DLD: variants seen among roughly 807,000 people sequenced by gnomAD.
The protein encoded by DLD is dihydrolipoyl dehydrogenase, mitochondrial.
A neutral mutation model predicts 62.2 loss-of-function variants in DLD; 36 were observed. The ratio of observed to expected loss-of-function variants is 0.58; its 90% CI spans 0.44 to 0.76. The LOEUF (loss-of-function observed/expected upper bound fraction) is 0.76. DLD is among the 30% of genes least tolerant of loss of function. DLD has a pLI of 0.00. For missense variants in DLD, 541 were observed against 608.6 expected (o/e 0.89, Z 1.17); for synonymous variants, 204 against 199.6 (o/e 1.02, Z -0.19).
chr7:107,904,006 A>G (rs1584463743), intron 5 of DLD, among the ~76,000 whole-genome samples: 1 of 152,188 alleles, frequency 6.6e-6, no homozygotes, highest in Admixed American at 6.5e-5. Context: ...TTCATAACGT[A>G]TCTTGTCTCC....
At chr7:107,898,942 AG>A (rs1562912067) in intron 2 of DLD, among the ~76,000 whole-genome samples, 2 of 152,206 alleles carry the variant, frequency 1.3e-5, no homozygotes, top group East Asian at 3.8e-4. Context: ...AGGGTGAGTC[AG>A]AATCATGTGT....
chr7:107,911,682 C>T (rs147671572), intron 8 of DLD, among the ~76,000 whole-genome samples: 5 of 151,682 alleles, frequency 3.3e-5, no homozygotes, highest in South Asian at 2.1e-4. Context: ...AGTAGTAACT[C>T]ACTGTGGGGT....
chr7:107,895,945 A>G (rs2031711620), intron 2 of DLD, among the ~76,000 whole-genome samples: 1 of 152,218 alleles, frequency 6.6e-6, no homozygotes, highest in Non-Finnish European at 1.5e-5. Context: ...GTAATGTGAA[A>G]TGCCTGCTGT....
intron 1 of DLD, 82 bp downstream of exon 1, chr7:107,891,371 T>G (rs1028629259): frequency 6.7e-7 from 1 of 1,494,624 alleles, no homozygotes. Context: ...GGCTTAACCG[T>G]GTTGGGCTGG....
At position 107,917,229 on chromosome 7, in the gene DLD, G is replaced by C. The variant is rs936818080; in HGVS notation, c.1047-44G>C. On this transcript the variant is annotated intron_variant, in intron 10 of 13. Transcript: ENST00000205402. ...ATAATGTAACTGAAGGTAAGTAGCTGTGATTTCAGAAATTCATTGTGTTTC... is the reference window on the plus strand; with the variant it reads ...ATAATGTAACTGAAGGTAAGTAGCTCTGATTTCAGAAATTCATTGTGTTTC... 6 of 1,609,340 alleles carry C rather than the reference G, an allele frequency of 3.7e-6. No homozygotes were observed. The African/African-American group carries it at 4.0e-5, about 11-fold the overall frequency.
intron 1 of DLD, chr7:107,891,632 G>A: frequency 2.0e-6 from 1 of 488,496 alleles, no homozygotes; most frequent in Non-Finnish European, 3.8e-6. Context: ...CCCATGTCCC[G>A]TATAGTCTGG....
Position 107,915,501 on chromosome 7 carries a change from T to C in DLD, c.685-5T>C, listed in dbSNP as rs765497276. On this transcript the variant is annotated splice_polypyrimidine_tract_variant and splice_region_variant and intron_variant, in intron 8 of 13. Coordinates refer to ENST00000205402, the MANE Select transcript of DLD (RefSeq NM_000108.5). ...GATTATTGGGTTTTTTTAATTTATT[T>C]GCAGGGTTCAGTTTGGCAAAGACTT... 2 of 1,613,736 alleles carry C rather than the reference T, an allele frequency of 1.2e-6. No individual in the cohort carries two copies. The highest frequency in any genetic ancestry group is 4.5e-5 in the East Asian group (2 of 44,820).
intron 2 of DLD, among the ~76,000 whole-genome samples, chr7:107,895,367 C>CTT (rs1323823552): frequency 1.3e-5 from 2 of 152,218 alleles, no homozygotes; most frequent in Non-Finnish European, 2.9e-5. Context: ...GTTACAACAT[C>CTT]TGAGAGATGT....
At chr7:107,913,461 T>C (rs1309566292) in intron 8 of DLD, among the ~76,000 whole-genome samples, 1 of 152,070 alleles carries the variant, frequency 6.6e-6, no homozygotes, top group Non-Finnish European at 1.5e-5. Flanking sequence ...TTGGCTAAAT[T>C]GATTCTTAGG....
intron 2 of DLD, among the ~76,000 whole-genome samples, chr7:107,899,153 C>T (rs144496945): frequency 2.6e-5 from 4 of 152,154 alleles, no homozygotes; most frequent in Admixed American, 1.3e-4. Flanking sequence ...TCAGTGCAGA[C>T]GTGTGTATAC....
intron 8 of DLD, among the ~76,000 whole-genome samples, chr7:107,914,209 T>G (rs1159167538): frequency 6.6e-6 from 1 of 152,130 alleles, no homozygotes; most frequent in Non-Finnish European, 1.5e-5. Context: ...TCTTCCCTCT[T>G]CAGACATTTG....
Position 107,915,573 on chromosome 7 carries a change from T to G in DLD, c.752T>G (p.Val251Gly), listed in dbSNP as rs564567833. ...AVEFLGHVGG[V>G]GIDMEISKNF... ...GAATTTTTAGGTCATGTAGGTGGAG[T>G]TGGAATTGATATGGAGATATCTAAA... Residue 251 changes from valine (V) to glycine (G), a missense_variant, in exon 9 of 14, where the codon GTT (valine) becomes GGT (glycine). By Grantham distance (109) the Val-to-Gly change is moderately radical. Transcript: ENST00000205402. 4 of 1,613,768 alleles carry G rather than the reference T, an allele frequency of 2.5e-6. No individual in the cohort carries two copies. The East Asian group carries it at 8.9e-5, about 36-fold the overall frequency.
intron 2 of DLD, 97 bp from the exon 3 acceptor site, chr7:107,901,641 G>A: frequency 3.2e-6 from 3 of 946,654 alleles, no homozygotes; most frequent in Non-Finnish European, 3.4e-6. Context: ...TACTGTAAGA[G>A]GTTTAAGTAT....
At position 107,898,996 on chromosome 7, in the gene DLD, G is replaced by T. The variant is rs59485116; in HGVS notation, c.119-2742G>T. ...ATGCATCCTTTGGTACAGGTGAGAGGTAGATGATTTGTTTTTCTGACATTT... is the reference window on the plus strand; with the variant it reads ...ATGCATCCTTTGGTACAGGTGAGAGTTAGATGATTTGTTTTTCTGACATTT... On this transcript the variant is annotated intron_variant, in intron 2 of 13. Transcript: ENST00000205402. 9.1e-3 allele frequency among the ~76,000 whole-genome samples: 1,386 copies of T among 152,214 alleles called. 19 individuals carry two copies. The highest frequency in any genetic ancestry group is 0.032 in the African/African-American group (1,316 of 41,504).
rs2032163873 is a variant in DLD, at chr7:107,912,331, T to C, written c.685-3175T>C. 3.3e-5 allele frequency among the ~76,000 whole-genome samples: 5 copies of C among 152,128 alleles called. No homozygotes were observed. In the South Asian group the frequency reaches 1.0e-3, roughly 32 times the overall value. On this transcript the variant is annotated intron_variant, in intron 8 of 13. Transcript: ENST00000205402. ...CTTCAATATATTGATTTCCTTTCTT[T>C]TGGATATATACCCAGTAGTGGAATT...
At position 107,917,504 on chromosome 7, in the gene DLD, G is replaced by A. The variant is rs751749109; in HGVS notation, c.1236+42G>A. 5 of 1,580,888 alleles carry A rather than the reference G, an allele frequency of 3.2e-6. No individual in the cohort carries two copies. In the East Asian group the frequency reaches 1.1e-4, roughly 35 times the overall value. ...GTGGTTTTAAGCCAATGTGTGAGTTGTGCCAATGACATTGGTGGTTGAGAA... is the reference window on the plus strand; with the variant it reads ...GTGGTTTTAAGCCAATGTGTGAGTTATGCCAATGACATTGGTGGTTGAGAA... On this transcript the variant is annotated intron_variant, in intron 11 of 13. Transcript: ENST00000205402.
chr7:107,900,092 A>G (rs759138711), intron 2 of DLD, among the ~76,000 whole-genome samples: 9 of 152,124 alleles, frequency 5.9e-5, no homozygotes, highest in Non-Finnish European at 1.0e-4. Context: ...TTTTTCATGT[A>G]TTGAAATGAC....
At chr7:107,904,777 G>A (rs2031962578) in intron 5 of DLD, 181 bp from the exon 6 acceptor site, 1 of 667,536 alleles carries the variant, frequency 1.5e-6, no homozygotes, top group South Asian at 1.5e-5. Flanking sequence ...GATAGGTTCT[G>A]TTTCTGTGAT....
chr7:107,913,111 G>A (rs534751384), intron 8 of DLD, among the ~76,000 whole-genome samples: 3 of 152,206 alleles, frequency 2.0e-5, no homozygotes, highest in African/African-American at 4.8e-5. Flanking sequence ...AGCCGAAAAT[G>A]TGTGGATTTA....
Sources: allele counts gnomAD v4.1 joint callset (sites outside exome capture counted in the v4.1 genomes callset), GRCh38; gene constraint gnomAD v4.1.1; transcripts MANE v1.5; gene names NCBI Gene and HGNC (gene_info 2026-07-23, HGNC 2026-07-21).